The following PPARGC1A variants were observed in gnomAD, a reference collection of about 807,000 sequenced individuals.
PPARGC1A encodes PPARG coactivator 1 alpha, also known as peroxisome proliferator-activated receptor gamma coactivator 1-alpha.
Under a neutral mutation model 88.7 loss-of-function variants are expected in PPARGC1A, and 25 were observed. The ratio of observed to expected loss-of-function variants is 0.28; its 90% confidence interval spans 0.21 to 0.39. The LOEUF (loss-of-function observed/expected upper bound fraction) is 0.39. Among genes scored for constraint, PPARGC1A ranks in the 10% least tolerant of loss-of-function variants. PPARGC1A has a pLI of 1.00. For missense variants in PPARGC1A, 880 were observed against 968.7 expected, an observed-to-expected ratio of 0.91 and a Z score of 1.22; for synonymous variants, 363 against 355.6, an observed-to-expected ratio of 1.02 and a Z score of -0.24.
chr4:24,153,379 C>T, the PPARGC1A span, among the ~76,000 whole-genome samples: 7 of 152,240 alleles, frequency 4.6e-5, no homozygotes, highest in African/African-American at 1.7e-4. Context: ...AACCACCTCC[C>T]TTCCTTTCAG....
the PPARGC1A span, among the ~76,000 whole-genome samples, chr4:24,044,602 C>T: frequency 3.9e-5 from 6 of 152,114 alleles, no homozygotes; most frequent in Admixed American, 3.3e-4. Flanking sequence ...AAAATGTGGG[C>T]TTAGGCATAT....
At chr4:24,319,997 GAAGAC>G in the PPARGC1A span, among the ~76,000 whole-genome samples, 2 of 152,056 alleles carry the variant, frequency 1.3e-5, no homozygotes, top group African/African-American at 4.8e-5. Flanking sequence ...TCACATTATA[GAAGAC>G]AAGGACTGCA....
the PPARGC1A span, among the ~76,000 whole-genome samples, chr4:24,137,751 C>T: frequency 6.6e-6 from 1 of 152,170 alleles, no homozygotes; most frequent in Non-Finnish European, 1.5e-5. Context: ...CTCAATGTAA[C>T]TTCAATGTTC....
chr4:23,945,898 T>A, the PPARGC1A span, among the ~76,000 whole-genome samples: 13 of 152,128 alleles, frequency 8.5e-5, no homozygotes, highest in Admixed American at 3.9e-4. Flanking sequence ...GACTCACATG[T>A]CATCATGGCC....
the PPARGC1A span, among the ~76,000 whole-genome samples, chr4:24,376,592 T>A: frequency 1.3e-5 from 2 of 152,246 alleles, no homozygotes; most frequent in Non-Finnish European, 2.9e-5. Flanking sequence ...ACTAGCTCAC[T>A]GATCTTTCCG....
At chr4:24,065,502 A>C in the PPARGC1A span, among the ~76,000 whole-genome samples, 2 of 152,210 alleles carry the variant, frequency 1.3e-5, no homozygotes, top group Admixed American at 1.3e-4. Flanking sequence ...TAAGAAAAAC[A>C]GGTGCTTTTC....
the PPARGC1A span, among the ~76,000 whole-genome samples, chr4:24,304,497 C>G: frequency 6.6e-6 from 1 of 152,144 alleles, no homozygotes; most frequent in Non-Finnish European, 1.5e-5. Flanking sequence ...GGGTTGGAGA[C>G]ACAGAAAGGT....
the PPARGC1A span, among the ~76,000 whole-genome samples, chr4:24,080,207 A>G: frequency 6.6e-6 from 1 of 151,980 alleles, no homozygotes; most frequent in South Asian, 2.1e-4. Flanking sequence ...ATGTATCCAA[A>G]TCTACCTTAT....
At chr4:24,324,370 C>T in the PPARGC1A span, among the ~76,000 whole-genome samples, 1 of 152,100 alleles carries the variant, frequency 6.6e-6, no homozygotes, top group South Asian at 2.1e-4. Flanking sequence ...ATCTCTGTGC[C>T]CAATCCCTTA....
the PPARGC1A span, among the ~76,000 whole-genome samples, chr4:24,343,177 TG>T: frequency 6.6e-6 from 1 of 152,220 alleles, no homozygotes; most frequent in Non-Finnish European, 1.5e-5. Context: ...GATTGTTCTG[TG>T]CCCATACTTC....
At chr4:24,324,429 C>CA in the PPARGC1A span, among the ~76,000 whole-genome samples, 2 of 152,072 alleles carry the variant, frequency 1.3e-5, no homozygotes, top group African/African-American at 4.8e-5. Context: ...CAAGAACCCC[C>CA]CACCCCTTCT....
At chr4:24,448,647 T>C in the PPARGC1A span, among the ~76,000 whole-genome samples, 20 of 152,122 alleles carry the variant, frequency 1.3e-4, no homozygotes, top group Admixed American at 5.9e-4. Context: ...TGTGGCCACA[T>C]AGGGAGTTGC....
chr4:24,284,851 A>G, the PPARGC1A span, among the ~76,000 whole-genome samples: 1 of 152,018 alleles, frequency 6.6e-6, no homozygotes, highest in African/African-American at 2.4e-5. Context: ...GCATGGTGAA[A>G]CCCTGTCTTT....
chr4:23,801,505 A>C (rs780851949), intron 12 of PPARGC1A, among the ~76,000 whole-genome samples: 2 of 152,162 alleles, frequency 1.3e-5, no homozygotes, highest in Non-Finnish European at 2.9e-5. Flanking sequence ...AATTTTCAGC[A>C]CCTGAGTAGA....
At chr4:24,357,423 T>C in the PPARGC1A span, among the ~76,000 whole-genome samples, 66 of 152,350 alleles carry the variant, frequency 4.3e-4, no homozygotes, top group African/African-American at 1.3e-3. Context: ...TAATATTTAA[T>C]CAAAGCATTC....
At chr4:23,879,965 T>A (rs1715591173) in intron 2 of PPARGC1A, 1 of 152,196 alleles carries the variant, frequency 6.6e-6, no homozygotes, top group African/African-American at 2.4e-5. Flanking sequence ...ATCCCGTCTA[T>A]GAAAACGCTC....
At chr4:23,876,787 T>G (rs760304023) in intron 2 of PPARGC1A, among the ~76,000 whole-genome samples, 91 of 151,818 alleles carry the variant, frequency 6.0e-4, no homozygotes, top group Non-Finnish European at 1.1e-3. Flanking sequence ...ATTGTAAGAC[T>G]GCTCCCCACC....
chr4:23,936,540 C>T, the PPARGC1A span, among the ~76,000 whole-genome samples: 1 of 152,086 alleles, frequency 6.6e-6, no homozygotes, highest in Admixed American at 6.5e-5. Flanking sequence ...AGTTTGAGAC[C>T]AGCCTGGGGA....
the PPARGC1A span, among the ~76,000 whole-genome samples, chr4:24,044,943 G>A: frequency 6.6e-6 from 1 of 152,226 alleles, no homozygotes. Context: ...AAAGAAAGGT[G>A]AGCCTTTCCA....
Sources: allele counts gnomAD v4.1 joint callset (sites outside exome capture counted in the v4.1 genomes callset), GRCh38; gene constraint gnomAD v4.1.1; transcripts MANE v1.5; gene names NCBI Gene and HGNC (gene_info 2026-07-23, HGNC 2026-07-21).